The following CACNA2D3 variants were observed in gnomAD, a reference collection of about 807,000 sequenced individuals.
The protein encoded by CACNA2D3 is voltage-dependent calcium channel subunit alpha-2/delta-3.
In CACNA2D3, 60 loss-of-function variants were observed where a neutral mutation model predicts 160.6. The observed-to-expected ratio is 0.37, with a 90% CI of 0.30 to 0.46. CACNA2D3 has a LOEUF of 0.46. Ranked by LOEUF, CACNA2D3 falls within the 20% of genes least tolerant of loss-of-function variation. The probability of loss-of-function intolerance (pLI) is 1.00; values close to 1 mark genes in which losing one functional copy is unlikely to be tolerated. For missense variants in CACNA2D3, 1,205 were observed against 1,365.0 expected (o/e 0.88, Z 1.85); for synonymous variants, 558 against 492.9 (o/e 1.13, Z -1.75).
intron 13 of CACNA2D3, among the ~76,000 whole-genome samples, chr3:54,802,546 A>C (rs751233933): frequency 6.6e-5 from 10 of 152,208 alleles, no homozygotes; most frequent in Non-Finnish European, 1.3e-4. Flanking sequence ...TACAAATAAA[A>C]TCTAGTTGTG....
intron 27 of CACNA2D3, chr3:54,918,743 C>A (rs79973856): frequency 6.2e-7 from 1 of 1,614,132 alleles, no homozygotes; most frequent in African/African-American, 1.3e-5. Flanking sequence ...AGGACCACAC[C>A]GTGGGCAGAG....
At chr3:54,553,259 A>G (rs1235772738) in intron 5 of CACNA2D3, among the ~76,000 whole-genome samples, 1 of 152,250 alleles carries the variant, frequency 6.6e-6, no homozygotes, top group Non-Finnish European at 1.5e-5. Flanking sequence ...AATTAGCATC[A>G]AAACTGTTCA....
chr3:54,670,486 C>G (rs1172006310), intron 11 of CACNA2D3, among the ~76,000 whole-genome samples: 1 of 152,110 alleles, frequency 6.6e-6, no homozygotes, highest in Non-Finnish European at 1.5e-5. Context: ...TGGAGCAAAA[C>G]CGCCCCATCT....
chr3:54,581,315 C>A (rs923409593), intron 8 of CACNA2D3, among the ~76,000 whole-genome samples: 16 of 152,194 alleles, frequency 1.1e-4, no homozygotes, highest in Non-Finnish European at 1.5e-5. Context: ...GTTTCCTGAT[C>A]AGCACCCACA....
intron 35 of CACNA2D3, among the ~76,000 whole-genome samples, chr3:55,020,931 A>C (rs1703434028): frequency 6.6e-6 from 1 of 151,728 alleles, no homozygotes; most frequent in Non-Finnish European, 1.5e-5. Context: ...TTTTATGCTC[A>C]AAAAGGAGAG....
intron 4 of CACNA2D3, among the ~76,000 whole-genome samples, chr3:54,409,697 T>C (rs560605030): frequency 6.6e-6 from 1 of 152,336 alleles, no homozygotes; most frequent in Non-Finnish European, 1.5e-5. Flanking sequence ...TTATTGCTGA[T>C]ATGGAGAAAT....
At chr3:54,900,903 C>A (rs1048327867) in intron 27 of CACNA2D3, among the ~76,000 whole-genome samples, 10 of 152,158 alleles carry the variant, frequency 6.6e-5, no homozygotes, top group Non-Finnish European at 1.3e-4. Context: ...GTTGAAAGAT[C>A]TGGGGGTAGT....
intron 33 of CACNA2D3, among the ~76,000 whole-genome samples, chr3:55,008,324 G>C (rs1045972790): frequency 6.6e-6 from 1 of 152,116 alleles, no homozygotes; most frequent in Admixed American, 6.5e-5. Context: ...TGGAGGTGCT[G>C]GTTGCATCTA....
chr3:55,017,310 C>T (rs1703346083), intron 34 of CACNA2D3, among the ~76,000 whole-genome samples: 1 of 152,112 alleles, frequency 6.6e-6, no homozygotes, highest in Non-Finnish European at 1.5e-5. Flanking sequence ...GATTGGTACT[C>T]CAAACTTCTC....
intron 9 of CACNA2D3, among the ~76,000 whole-genome samples, chr3:54,621,215 T>C (rs1012212460): frequency 1.3e-5 from 2 of 152,234 alleles, no homozygotes; most frequent in Non-Finnish European, 2.9e-5. Flanking sequence ...ACATTTATTA[T>C]AATTACATAG....
intron 24 of CACNA2D3, 115 bp downstream of exon 24, chr3:54,888,167 T>G: frequency 3.6e-6 from 3 of 829,306 alleles, no homozygotes; most frequent in Non-Finnish European, 5.9e-6. Context: ...AGTTCTTTAA[T>G]TTTCCCCCAA....
chr3:54,569,700 C>A, intron 6 of CACNA2D3, 95 bp from the exon 7 acceptor site: 1 of 1,005,710 alleles, frequency 9.9e-7, no homozygotes, highest in Non-Finnish European at 1.5e-6. Context: ...GATTTTTCAC[C>A]CTGTCCATTC....
At chr3:54,155,529 TAAAG>T (rs1700230444) in intron 2 of CACNA2D3, among the ~76,000 whole-genome samples, 1 of 152,150 alleles carries the variant, frequency 6.6e-6, no homozygotes, top group Admixed American at 6.5e-5. Context: ...CACTGGGAAA[TAAAG>T]AAGAACAAGT....
Position 54,791,444 on chromosome 3 carries a change from C to T in CACNA2D3, c.1381-25409C>T, listed in dbSNP as rs1260509222. On this transcript the variant is annotated intron_variant, in intron 13 of 37. Coordinates refer to ENST00000474759, the MANE Select transcript of CACNA2D3 (RefSeq NM_018398.3). ...AAGTTCATATGTGATTAGACATTTTCCATTTTTAGCCTCATGGCTTACATT... is the reference window on the plus strand; with the variant it reads ...AAGTTCATATGTGATTAGACATTTTTCATTTTTAGCCTCATGGCTTACATT... 3.9e-5 allele frequency among the ~76,000 whole-genome samples: 6 copies of T among 152,298 alleles called. No individual in the cohort carries two copies. The South Asian group carries it at 1.0e-3, about 26-fold the overall frequency.
At chr3:54,181,474 T>TA (rs1204830462) in intron 2 of CACNA2D3, among the ~76,000 whole-genome samples, 1 of 152,198 alleles carries the variant, frequency 6.6e-6, no homozygotes, top group Non-Finnish European at 1.5e-5. Flanking sequence ...TAAGGAGACA[T>TA]TACGAATTAT....
chr3:54,362,639 G>C (rs942542863), intron 3 of CACNA2D3, among the ~76,000 whole-genome samples: 16 of 152,148 alleles, frequency 1.1e-4, no homozygotes. Flanking sequence ...TGTATTTCTA[G>C]TCTAGAGTCA....
chr3:54,210,762 C>G (rs1027080995), intron 2 of CACNA2D3, among the ~76,000 whole-genome samples: 38 of 152,274 alleles, frequency 2.5e-4, no homozygotes, highest in African/African-American at 8.4e-4. Flanking sequence ...CCTGAAGAGT[C>G]TGCCATCCAG....
intron 13 of CACNA2D3, among the ~76,000 whole-genome samples, chr3:54,806,404 C>A (rs1466118567): frequency 6.6e-6 from 1 of 152,126 alleles, no homozygotes; most frequent in Non-Finnish European, 1.5e-5. Context: ...TCTTATACAC[C>A]AATAGCGGAC....
intron 3 of CACNA2D3, among the ~76,000 whole-genome samples, chr3:54,331,391 G>T (rs1029605456): frequency 6.6e-6 from 1 of 152,134 alleles, no homozygotes; most frequent in African/African-American, 2.4e-5. Flanking sequence ...TGCAACCCCT[G>T]CATTAGTCAG....
Sources: gnomAD v4.1 joint callset for allele counts (sites outside exome capture counted in the v4.1 genomes callset) on GRCh38, gnomAD v4.1.1 for gene constraint, MANE v1.5 for transcripts, NCBI Gene and HGNC (gene_info 2026-07-23, HGNC 2026-07-21) for gene names.